The following AHCYL2 variants were observed in gnomAD, a reference collection of about 807,000 sequenced individuals.
AHCYL2 encodes the protein adenosylhomocysteinase like 2.
Under a neutral mutation model 81.4 loss-of-function variants are expected in AHCYL2, and 28 were observed. That is an observed-to-expected ratio of 0.34 (90% confidence interval 0.25 to 0.47). The LOEUF (loss-of-function observed/expected upper bound fraction) is 0.47, where lower values mean the gene tolerates loss of function less well. Among genes scored for constraint, AHCYL2 ranks in the 20% least tolerant of loss-of-function variants. The pLI, the probability that AHCYL2 is intolerant of heterozygous loss-of-function variation, is 1.00. For missense variants in AHCYL2, 551 were observed against 785.1 expected, an observed-to-expected ratio of 0.70 and a Z score of 3.56; for synonymous variants, 272 against 290.2, an observed-to-expected ratio of 0.94 and a Z score of 0.64.
intron 1 of AHCYL2, among the ~76,000 whole-genome samples, chr7:129,252,360 G>A (rs906997351): frequency 6.6e-6 from 1 of 152,192 alleles, no homozygotes. Flanking sequence ...CAGTTTTAAA[G>A]CAACACTGGT....
At chr7:129,370,499 T>G (rs74368490) in intron 1 of AHCYL2, among the ~76,000 whole-genome samples, 1 of 151,782 alleles carries the variant, frequency 6.6e-6, no homozygotes, top group Non-Finnish European at 1.5e-5. Flanking sequence ...GAGATCAAGA[T>G]CATCCTGGCT....
At chr7:129,401,272 G>T (rs191953114) in intron 6 of AHCYL2, among the ~76,000 whole-genome samples, 69 of 151,956 alleles carry the variant, frequency 4.5e-4, no homozygotes, top group Middle Eastern at 6.8e-3. Flanking sequence ...GGAGGTTGCA[G>T]TGAGCCGAGA....
At position 129,352,043 on chromosome 7, in the gene AHCYL2, ATT is replaced by A. The variant is rs11323551; in HGVS notation, c.364-27586_364-27585del. ...TATTAAATATCAATCCTGGAGTATA[ATT>A]TTTTTTTTAATGAACTGGGAAGTAC... On this transcript the variant is annotated intron_variant, in intron 1 of 16. Coordinates refer to ENST00000325006, the MANE Select transcript of AHCYL2 (RefSeq NM_015328.4). Among the ~76,000 whole-genome samples, 903 of 151,776 alleles carry A rather than the reference ATT, an allele frequency of 5.9e-3. 9 individuals carry two copies. Among genetic ancestry groups the A allele is most frequent in the African/African-American group, 0.02 (839 of 41,356 alleles).
intron 1 of AHCYL2, among the ~76,000 whole-genome samples, chr7:129,298,211 A>C (rs186311491): frequency 6.6e-6 from 1 of 152,344 alleles, no homozygotes; most frequent in Admixed American, 6.5e-5. Context: ...CTTATAAATT[A>C]GGTTCATATT....
At chr7:129,385,895 C>G (rs1343459786) in intron 2 of AHCYL2, among the ~76,000 whole-genome samples, 2 of 152,108 alleles carry the variant, frequency 1.3e-5, no homozygotes, top group African/African-American at 4.8e-5. Flanking sequence ...CTAAATTTTC[C>G]TAGGAACAGT....
chr7:129,266,625 G>A (rs1214935527), intron 1 of AHCYL2, among the ~76,000 whole-genome samples: 1 of 152,118 alleles, frequency 6.6e-6, no homozygotes, highest in Non-Finnish European at 1.5e-5. Context: ...TTTTTATCAG[G>A]GTAACGTCTT....
chr7:129,394,254 C>A (rs1216957131), intron 4 of AHCYL2, among the ~76,000 whole-genome samples: 1 of 151,562 alleles, frequency 6.6e-6, no homozygotes, highest in Non-Finnish European at 1.5e-5. Flanking sequence ...CAAGCGATCT[C>A]CTGCCTCAGC....
At position 129,360,331 on chromosome 7, in the gene AHCYL2, G is replaced by A. The variant is rs191934520; in HGVS notation, c.364-19307G>A. On this transcript the variant is annotated intron_variant, in intron 1 of 16. Transcript: ENST00000325006. The stretch of plus-strand genomic sequence containing the variant: ...GAGTTTCTTCATTTTGGTCAGGCTG[G>A]TCTCGAACTCCCGACCTCAGGTGAT... Among the ~76,000 whole-genome samples the A allele has an allele frequency of 7.3e-4, 111 of 152,142 alleles. 1 individual carries two copies. The highest frequency in any genetic ancestry group is 2.4e-3 in the African/African-American group (99 of 41,484).
intron 1 of AHCYL2, among the ~76,000 whole-genome samples, chr7:129,328,023 C>T (rs1460345183): frequency 6.6e-6 from 1 of 152,200 alleles, no homozygotes; most frequent in African/African-American, 2.4e-5. Context: ...ATTTTGAACT[C>T]CTGGCCTCAA....
intron 1 of AHCYL2, among the ~76,000 whole-genome samples, chr7:129,291,875 G>A (rs955516624): frequency 2.6e-5 from 4 of 152,012 alleles, no homozygotes; most frequent in African/African-American, 7.3e-5. Context: ...AAAGTGCTAG[G>A]ATTACAGGTG....
intron 1 of AHCYL2, among the ~76,000 whole-genome samples, chr7:129,277,242 G>A (rs1796248230): frequency 6.7e-6 from 1 of 149,530 alleles, no homozygotes; most frequent in African/African-American, 2.4e-5. Context: ...TTACAATGAA[G>A]ATAAAGAACA....
chr7:129,225,372 G>T lies in AHCYL2; in HGVS notation c.296G>T (p.Arg99Leu), dbSNP rs1012143474. Residue 99 changes from arginine to leucine, a missense_variant, in exon 1 of 17, where the codon CGC (arginine) becomes CTC (leucine). Around this residue, in one of 2 missense-constraint regions of AHCYL2, gnomAD observed 235 missense variants for 242.1 expected, o/e 0.97. Transcript: ENST00000325006. ...CCACATCACCAGCACCAGCGGCACC[G>T]CGACGGCGGCGAGGCCCTGGTCAGC... The part of the protein sequence containing the change: ...SDPHHQHQRH[R>L]DGGEALVSPD... 1 of 1,516,208 alleles carries T rather than the reference G, an allele frequency of 6.6e-7. No homozygotes were observed. 93.9% of individuals were successfully genotyped at this position (1,516,208 alleles called of 1,614,324 possible).
intron 1 of AHCYL2, among the ~76,000 whole-genome samples, chr7:129,234,000 CT>C (rs1429025590): frequency 6.6e-6 from 1 of 151,968 alleles, no homozygotes; most frequent in African/African-American, 2.4e-5. Flanking sequence ...CCCCTCCCCC[CT>C]TCCTCCTCCT....
intron 1 of AHCYL2, among the ~76,000 whole-genome samples, chr7:129,276,440 A>AG (rs1369200716): frequency 3.3e-5 from 5 of 151,786 alleles, no homozygotes; most frequent in Non-Finnish European, 5.9e-5. Context: ...AATAAAAAAA[A>AG]AAACCAGAAC....
chr7:129,343,059 A>T (rs1387132316), intron 1 of AHCYL2, among the ~76,000 whole-genome samples: 1 of 152,142 alleles, frequency 6.6e-6, no homozygotes, highest in African/African-American at 2.4e-5. Flanking sequence ...TTGTTTGTCT[A>T]TCCAATTTTC....
At chr7:129,344,231 A>T (rs781262477) in intron 1 of AHCYL2, among the ~76,000 whole-genome samples, 15 of 152,160 alleles carry the variant, frequency 9.9e-5, no homozygotes, top group Non-Finnish European at 1.6e-4. Context: ...CAGCAATTTC[A>T]CCCTTACCTA....
chr7:129,368,539 G>C lies in AHCYL2; in HGVS notation c.364-11099G>C. ...ATGAGGGCACCTCAGCTTTTCACAT[G>C]CCTGAGTGGATGGTGAGTTCACTGG... On this transcript the variant is annotated intron_variant, in intron 1 of 16. Transcript: ENST00000325006. The surrounding 1 kb of genome is among the most constrained non-coding windows in gnomAD (Gnocchi z 4.4). 1 of 1,614,026 alleles carries C rather than the reference G, an allele frequency of 6.2e-7. No individual in the cohort carries two copies. The highest frequency in any genetic ancestry group is 8.5e-7 in the Non-Finnish European group (1 of 1,179,892).
At chr7:129,421,317 A>C (rs1011730306) in intron 12 of AHCYL2, among the ~76,000 whole-genome samples, 12 of 150,774 alleles carry the variant, frequency 8.0e-5, no homozygotes, top group Non-Finnish European at 1.6e-4. Flanking sequence ...TTTTTTTTGG[A>C]GCTCCTTGCT....
chr7:129,333,922 CAT>C (rs1798507779), intron 1 of AHCYL2, among the ~76,000 whole-genome samples: 2 of 152,174 alleles, frequency 1.3e-5, no homozygotes, highest in Non-Finnish European at 1.5e-5. Context: ...TAATTATACA[CAT>C]ATGAGTAATG....
Sources: allele counts gnomAD v4.1 joint callset (sites outside exome capture counted in the v4.1 genomes callset), GRCh38; gene constraint gnomAD v4.1.1; regional missense constraint gnomAD v4.1.1; non-coding constraint Gnocchi (gnomAD v3.1); transcripts MANE v1.5; gene names NCBI Gene and HGNC (gene_info 2026-07-23, HGNC 2026-07-21).